PRKAG2: variants seen among roughly 807,000 people sequenced by gnomAD.
The protein encoded by PRKAG2 is 5'-AMP-activated protein kinase subunit gamma-2.
PRKAG2 carries 26 observed loss-of-function variants against 69.6 expected under a neutral mutation model. The ratio of observed to expected loss-of-function variants is 0.37; its 90% CI spans 0.27 to 0.52. The LOEUF is 0.52. Ranked by LOEUF, PRKAG2 falls within the 20% of genes least tolerant of loss-of-function variation. The probability of loss-of-function intolerance (pLI) is 0.90; values close to 1 mark genes in which losing one functional copy is unlikely to be tolerated. For missense variants in PRKAG2, 557 were observed against 740.0 expected, an observed-to-expected ratio of 0.75 and a Z score of 2.87; for synonymous variants, 293 against 285.0, an observed-to-expected ratio of 1.03 and a Z score of -0.28.
In PRKAG2 at chr7:151,669,978, GCA is replaced by G. The variant is rs1243184470; in HGVS notation, c.684+5440_684+5441del. 2.2e-3 allele frequency among the ~76,000 whole-genome samples: 56 copies of G among 25,062 alleles called. 1 individual carries two copies. The highest frequency in any genetic ancestry group is 8.2e-3 in the African/African-American group (45 of 5,504). 16.4% of individuals were successfully genotyped at this position (25,062 alleles called of 152,430 possible). A position where few individuals can be genotyped will look rare whatever the true frequency, so the allele number is the denominator to read the frequency against. On this transcript the variant is annotated intron_variant, in intron 4 of 15. Coordinates refer to ENST00000287878, the MANE Select transcript of PRKAG2 (RefSeq NM_016203.4). ...TTGTCACACACCTGCACACACCTGT[GCA>G]CACACACTTGCATGCATACACACCT...
intron 4 of PRKAG2, among the ~76,000 whole-genome samples, chr7:151,648,408 C>T (rs1217855039): frequency 1.3e-5 from 2 of 152,176 alleles, no homozygotes; most frequent in African/African-American, 4.8e-5. Flanking sequence ...GGTCCTCATG[C>T]CCCCTGCTTT....
intron 2 of PRKAG2, among the ~76,000 whole-genome samples, chr7:151,785,913 C>T (rs1337714366): frequency 2.6e-5 from 4 of 152,176 alleles, no homozygotes; most frequent in South Asian, 2.1e-4. Context: ...ACAACCTCCT[C>T]GAGACACTAG....
intron 5 of PRKAG2, among the ~76,000 whole-genome samples, chr7:151,598,680 G>A (rs1815237865): frequency 6.6e-6 from 1 of 152,184 alleles, no homozygotes; most frequent in Admixed American, 6.5e-5. Context: ...ATTGTTAGCA[G>A]ACAGAAATTT....
chr7:151,609,488 G>C (rs1230562827), intron 5 of PRKAG2, among the ~76,000 whole-genome samples: 2 of 152,082 alleles, frequency 1.3e-5, no homozygotes, highest in African/African-American at 2.4e-5. Flanking sequence ...ATCAAACTAA[G>C]AGCAGGATAG....
At position 151,625,438 on chromosome 7, in the gene PRKAG2, G is replaced by A. The variant is rs115918182; in HGVS notation, c.754+6631C>T. ...GAGAAGGGGGCAAGGAGGGCGTGCC[G>A]GGAAGTGCGGACTCCTACAGGCAAA... is the stretch of plus-strand genomic sequence containing the variant. On this transcript the variant is annotated intron_variant, in intron 5 of 15. Transcript: ENST00000287878. Among the ~76,000 whole-genome samples the A allele has an allele frequency of 7.6e-3, 1,150 of 152,276 alleles. 9 individuals are homozygous for A. Among genetic ancestry groups the A allele is most frequent in the African/African-American group, 0.026 (1,086 of 41,544 alleles).
chr7:151,773,015 A>AAGAG (rs1330433780), intron 3 of PRKAG2, among the ~76,000 whole-genome samples: 4 of 18,916 alleles, frequency 2.1e-4, no homozygotes, highest in Admixed American at 5.4e-4. Flanking sequence ...GAAAGAAAGA[A>AAGAG]AGAAAGAAAG....
chr7:151,642,062 G>C (rs1170923580), intron 4 of PRKAG2, among the ~76,000 whole-genome samples: 2 of 148,954 alleles, frequency 1.3e-5, no homozygotes, highest in Non-Finnish European at 3.0e-5. Flanking sequence ...GGGGCCAGGC[G>C]TGGTGGCTCA....
intron 5 of PRKAG2, among the ~76,000 whole-genome samples, chr7:151,596,192 T>C (rs1403254483): frequency 6.6e-6 from 1 of 152,144 alleles, no homozygotes; most frequent in African/African-American, 2.4e-5. Context: ...TGTCCCTGTT[T>C]GCAGATGACA....
intron 13 of PRKAG2, 155 bp from the exon 14 acceptor site, chr7:151,564,379 A>G (rs1340871135): frequency 1.4e-6 from 1 of 711,892 alleles, no homozygotes; most frequent in African/African-American, 1.8e-5. Flanking sequence ...GGCTTACGAC[A>G]TGCCATTGCT....
At chr7:151,833,477 ATGG>A (rs1307879102) in intron 1 of PRKAG2, among the ~76,000 whole-genome samples, 1 of 152,150 alleles carries the variant, frequency 6.6e-6, no homozygotes, top group Non-Finnish European at 1.5e-5. Context: ...GTCTGCAGGG[ATGG>A]TGCGGGTGAG....
intron 1 of PRKAG2, among the ~76,000 whole-genome samples, chr7:151,832,457 A>G (rs956610785): frequency 5.9e-5 from 9 of 151,904 alleles, no homozygotes; most frequent in Non-Finnish European, 1.0e-4. Flanking sequence ...CCACTGTGGG[A>G]GGCGTGGGAG....
chr7:151,755,995 T>C (rs199925534), intron 3 of PRKAG2, among the ~76,000 whole-genome samples: 2 of 152,180 alleles, frequency 1.3e-5, no homozygotes, highest in East Asian at 3.9e-4. Flanking sequence ...AAGTCCTCAG[T>C]GTCTCTACCT....
intron 1 of PRKAG2, among the ~76,000 whole-genome samples, chr7:151,794,581 A>T (rs2077407019): frequency 6.6e-6 from 1 of 152,258 alleles, no homozygotes; most frequent in Non-Finnish European, 1.5e-5. Context: ...CAACAAAGGC[A>T]TCATCACCAG....
chr7:151,624,795 C>T (rs1341664347), intron 5 of PRKAG2, among the ~76,000 whole-genome samples: 7 of 152,196 alleles, frequency 4.6e-5, no homozygotes, highest in African/African-American at 1.2e-4. Flanking sequence ...TCCGTTGCTC[C>T]GCCCTCACTG....
chr7:151,605,636 C>CTGAG (rs540908417), intron 5 of PRKAG2, among the ~76,000 whole-genome samples: 2 of 149,230 alleles, frequency 1.3e-5, no homozygotes, highest in Non-Finnish European at 3.0e-5. Flanking sequence ...ACTTGGCAGG[C>CTGAG]TGAGGCACAA....
At chr7:151,818,740 C>A (rs1293575255) in intron 1 of PRKAG2, among the ~76,000 whole-genome samples, 1 of 152,248 alleles carries the variant, frequency 6.6e-6, no homozygotes, top group African/African-American at 2.4e-5. Flanking sequence ...TCATTGACCA[C>A]ACTTTTATTT....
intron 5 of PRKAG2, among the ~76,000 whole-genome samples, chr7:151,608,484 G>C (rs1008150458): frequency 6.6e-5 from 10 of 152,120 alleles, no homozygotes; most frequent in East Asian, 3.9e-4. Context: ...TGCGCACCGG[G>C]GGGCAGCAGT....
chr7:151,588,864 G>A (rs541899748), intron 6 of PRKAG2, among the ~76,000 whole-genome samples: 3 of 152,128 alleles, frequency 2.0e-5, no homozygotes, highest in African/African-American at 7.2e-5. Flanking sequence ...ATGAAAACAG[G>A]CTAATACACT....
chr7:151,855,659 C>T lies in PRKAG2; in HGVS notation c.114+20848G>A, dbSNP rs911237043. Among the ~76,000 whole-genome samples, 11 of 151,566 alleles carry T rather than the reference C, an allele frequency of 7.3e-5. No individual in the cohort carries two copies. In the East Asian group the frequency reaches 2.0e-3, roughly 27 times the overall value. On this transcript the variant is annotated intron_variant, in intron 1 of 15. Transcript: ENST00000287878. ...CACCTTCCACACATACCACTGCAGA[C>T]ACTGGGATGTTTTTGCCAAGCAGAG...
Sources: gnomAD v4.1 joint callset for allele counts (sites outside exome capture counted in the v4.1 genomes callset) on GRCh38, gnomAD v4.1.1 for gene constraint, MANE v1.5 for transcripts, NCBI Gene and HGNC (gene_info 2026-07-23, HGNC 2026-07-21) for gene names.